NELL1: variants seen among roughly 807,000 people sequenced by gnomAD.
NELL1 encodes the protein neural EGFL like 1.
NELL1 carries 76 observed loss-of-function variants against 107.4 expected under a neutral mutation model. The observed-to-expected ratio is 0.71, with a 90% confidence interval of 0.59 to 0.86. NELL1 has a LOEUF of 0.86. Among genes scored for constraint, NELL1 ranks in the 40% least tolerant of loss-of-function variants. NELL1 has a pLI of 0.00. For missense variants in NELL1, 1,024 were observed against 1,005.5 expected (o/e 1.02, Z -0.25); for synonymous variants, 353 against 341.2 (o/e 1.03, Z -0.38).
chr11:20,713,703 A>G (rs1161613506), intron 2 of NELL1, among the ~76,000 whole-genome samples: 1 of 152,106 alleles, frequency 6.6e-6, no homozygotes, highest in Non-Finnish European at 1.5e-5. Context: ...TGAAATTATT[A>G]CAGATTTCAT....
intron 13 of NELL1, among the ~76,000 whole-genome samples, chr11:21,134,385 CA>C (rs1855695144): frequency 6.6e-6 from 1 of 152,102 alleles, no homozygotes; most frequent in African/African-American, 2.4e-5. Flanking sequence ...GGAGTCAAAG[CA>C]TAGAGGAAGA....
chr11:21,174,159 A>G (rs899242760), intron 13 of NELL1, among the ~76,000 whole-genome samples: 1 of 151,700 alleles, frequency 6.6e-6, no homozygotes, highest in Non-Finnish European at 1.5e-5. Context: ...TAGAGTGGTC[A>G]TATATTTTTC....
chr11:21,445,605 T>A (rs983977064), intron 15 of NELL1, among the ~76,000 whole-genome samples: 3 of 152,220 alleles, frequency 2.0e-5, no homozygotes, highest in Non-Finnish European at 4.4e-5. Flanking sequence ...GCACTGGGAT[T>A]ATAGGCGTGA....
Position 20,919,296 on chromosome 11 carries a change from A to G in NELL1, c.721A>G (p.Met241Val). The part of the protein sequence containing the change: ...SDFLSLVQGI[M>V]DLQELLAKMT... ...TTTCTTAAGCCTGGTGCAAGGAATA[A>G]TGGATTTACAAGAGCTTTTGGCCAA... The change falls in exon 7 of 20, where the codon ATG (methionine) becomes GTG (valine). Residue 241 changes from methionine to valine, a missense_variant. By Grantham distance (21) the Met-to-Val change is conservative (BLOSUM62 1). Coordinates refer to ENST00000357134, the MANE Select transcript of NELL1 (RefSeq NM_006157.5). 3 of 1,607,536 alleles carry G rather than the reference A, an allele frequency of 1.9e-6. No homozygotes were observed. The highest frequency in any genetic ancestry group is 1.7e-6 in the Non-Finnish European group (2 of 1,176,130).
intron 3 of NELL1, among the ~76,000 whole-genome samples, chr11:20,811,653 C>G (rs1368021019): frequency 6.6e-6 from 1 of 151,914 alleles, no homozygotes; most frequent in Non-Finnish European, 1.5e-5. Flanking sequence ...AGTTCTTTTA[C>G]CCCCTTGGTT....
chr11:21,215,808 A>C (rs530865854), intron 13 of NELL1, among the ~76,000 whole-genome samples: 2 of 152,302 alleles, frequency 1.3e-5, no homozygotes, highest in Admixed American at 6.5e-5. Context: ...AAAGCAGAGC[A>C]TGAAAGTTTG....
rs187545275 is a variant in NELL1 at position 21,017,173 on chromosome 11, G to A, written c.1300+56613G>A. Among the ~76,000 whole-genome samples, 261 of 152,178 alleles carry A rather than the reference G, an allele frequency of 1.7e-3. 3 individuals carry two copies. Among genetic ancestry groups the A allele is most frequent in the African/African-American group, 5.9e-3 (243 of 41,530 alleles). Reference sequence around the variant, plus strand: ...TAGAGATAGCCAATGACGGGCACTGGCACAAATGTTGGGAGGCAGGAAAGG... The same window carrying A: ...TAGAGATAGCCAATGACGGGCACTGACACAAATGTTGGGAGGCAGGAAAGG... On this transcript the variant is annotated intron_variant, in intron 12 of 19. Transcript: ENST00000357134.
chr11:21,206,988 C>T (rs189481380), intron 13 of NELL1, among the ~76,000 whole-genome samples: 5 of 152,298 alleles, frequency 3.3e-5, no homozygotes, highest in Admixed American at 2.6e-4. Context: ...GGGATGCCTA[C>T]GTGACCATTA....
chr11:20,863,499 C>A, intron 4 of NELL1, among the ~76,000 whole-genome samples: 1 of 150,572 alleles, frequency 6.6e-6, no homozygotes, highest in African/African-American at 2.4e-5. Flanking sequence ...CTCCTCACCT[C>A]CCAGACGGGG....
intron 15 of NELL1, among the ~76,000 whole-genome samples, chr11:21,475,895 T>C (rs578101882): frequency 1.3e-5 from 2 of 152,330 alleles, no homozygotes; most frequent in Admixed American, 1.3e-4. Flanking sequence ...CAGTGACCTC[T>C]TACGGATCTT....
intron 13 of NELL1, among the ~76,000 whole-genome samples, chr11:21,220,415 C>T (rs79827016): frequency 2.6e-5 from 4 of 152,020 alleles, no homozygotes; most frequent in African/African-American, 9.7e-5. Context: ...ATATTGATAT[C>T]AACATGTCAT....
Position 21,193,242 on chromosome 11 carries a change from C to T in NELL1, c.1427-36090C>T, listed in dbSNP as rs572619504. ...TTTTGCCCAAGAATGCGGTTCCTGT[C>T]GAAGAGGTTGGAATAGGACAGAAAA... On this transcript the variant is annotated intron_variant, in intron 13 of 19. Coordinates refer to ENST00000357134, the MANE Select transcript of NELL1 (RefSeq NM_006157.5). Among the ~76,000 whole-genome samples, 29 of 151,780 alleles carry T rather than the reference C, an allele frequency of 1.9e-4. 1 individual carries two copies. Among genetic ancestry groups the T allele is most frequent in the African/African-American group, 6.1e-4 (25 of 41,152 alleles).
intron 5 of NELL1, among the ~76,000 whole-genome samples, chr11:20,886,812 C>T (rs1849518557): frequency 6.6e-6 from 1 of 151,978 alleles, no homozygotes. Context: ...TGCACATGTA[C>T]CCTAGAACTT....
intron 12 of NELL1, among the ~76,000 whole-genome samples, chr11:20,966,926 T>C (rs10833417): frequency 0.39 from 58,681 of 151,732 alleles, 12,378 homozygotes; most frequent in East Asian, 0.59. Context: ...CCTGGTTATT[T>C]CACCTAGGGT....
chr11:20,805,460 G>A (rs536512235), intron 3 of NELL1, among the ~76,000 whole-genome samples: 1 of 151,794 alleles, frequency 6.6e-6, no homozygotes, highest in African/African-American at 2.4e-5. Flanking sequence ...TTAATTTTTT[G>A]TGTGTATCTG....
intron 15 of NELL1, among the ~76,000 whole-genome samples, chr11:21,412,882 C>A (rs1852413481): frequency 6.6e-6 from 1 of 152,070 alleles, no homozygotes; most frequent in South Asian, 2.1e-4. Context: ...TTGCAACCCT[C>A]ACATTGCAAC....
At chr11:21,097,426 T>C (rs1854673034) in intron 12 of NELL1, among the ~76,000 whole-genome samples, 1 of 152,224 alleles carries the variant, frequency 6.6e-6, no homozygotes, top group Non-Finnish European at 1.5e-5. Context: ...TTTTATATCC[T>C]GGACGCAGTC....
At chr11:21,196,809 G>A (rs1022402945) in intron 13 of NELL1, among the ~76,000 whole-genome samples, 1 of 151,790 alleles carries the variant, frequency 6.6e-6, no homozygotes, top group African/African-American at 2.4e-5. Flanking sequence ...AGGCACTTAA[G>A]AGGTACATCA....
chr11:21,471,544 A>C (rs2133886756), intron 15 of NELL1, among the ~76,000 whole-genome samples: 1 of 152,220 alleles, frequency 6.6e-6, no homozygotes, highest in Admixed American at 6.6e-5. Flanking sequence ...GAATTATATA[A>C]CAATATAATT....
Sources: allele counts gnomAD v4.1 joint callset (sites outside exome capture counted in the v4.1 genomes callset), GRCh38; gene constraint gnomAD v4.1.1; transcripts MANE v1.5; gene names NCBI Gene and HGNC (gene_info 2026-07-23, HGNC 2026-07-21).